SLC30A4: variants seen among roughly 807,000 people sequenced by gnomAD.
SLC30A4 encodes the protein solute carrier family 30 member 4, also known as probable proton-coupled zinc antiporter SLC30A4.
SLC30A4 carries 20 observed loss-of-function variants against 41.7 expected under a neutral mutation model. The observed-to-expected ratio is 0.48, with a 90% CI of 0.34 to 0.70. The LOEUF is 0.70. Ranked by LOEUF, SLC30A4 falls within the 30% of genes least tolerant of loss-of-function variation. The probability of loss-of-function intolerance (pLI) is 0.01; values close to 1 mark genes in which losing one functional copy is unlikely to be tolerated. For synonymous variants in SLC30A4, 181 were observed against 195.9 expected (o/e 0.92, Z 0.64); for missense variants, 441 against 529.3 (o/e 0.83, Z 1.64).
At chr15:45,521,095 T>C in intron 2 of SLC30A4, 1 of 422,928 alleles carries the variant, frequency 2.4e-6, no homozygotes, top group Non-Finnish European at 4.8e-6. Flanking sequence ...GACTGCCACC[T>C]GTTTTTGTCA....
intron 4 of SLC30A4, among the ~76,000 whole-genome samples, chr15:45,490,328 A>C (rs1456439022): frequency 6.6e-6 from 1 of 152,172 alleles, no homozygotes; most frequent in Non-Finnish European, 1.5e-5. Flanking sequence ...AGCGCAAGTG[A>C]TCTTCCCACC....
At chr15:45,522,568 G>C (rs921981495) in intron 1 of SLC30A4, 39 bp downstream of exon 1, 73 of 490,170 alleles carry the variant, frequency 1.5e-4, no homozygotes, top group African/African-American at 1.2e-3. Context: ...CCGACGCTCC[G>C]CCGGGGCTCC....
intron 2 of SLC30A4, 157 bp downstream of exon 2, chr15:45,521,807 C>A: frequency 1.5e-6 from 1 of 675,236 alleles, no homozygotes; most frequent in Non-Finnish European, 2.5e-6. Context: ...GATTGAGCTG[C>A]ACTTTGGAAC....
chr15:45,521,614 T>C (rs1391794206), intron 2 of SLC30A4, among the ~76,000 whole-genome samples: 1 of 152,226 alleles, frequency 6.6e-6, no homozygotes, highest in Non-Finnish European at 1.5e-5. Context: ...CTTAAGTTAT[T>C]TACGATCATT....
chr15:45,498,076 CAGTT>C (rs2140826594), intron 3 of SLC30A4, among the ~76,000 whole-genome samples: 1 of 152,296 alleles, frequency 6.6e-6, no homozygotes, highest in Admixed American at 6.5e-5. Flanking sequence ...TAACAAAACT[CAGTT>C]ACAGTTTCAC....
At chr15:45,511,305 A>G (rs201674387) in intron 2 of SLC30A4, 21 bp from the exon 3 acceptor site, 17 of 1,500,322 alleles carry the variant, frequency 1.1e-5, no homozygotes, top group Non-Finnish European at 1.4e-5. Flanking sequence ...CAAGTAGGAG[A>G]AAAAAGGAAC....
chr15:45,517,719 C>A (rs895745058), intron 2 of SLC30A4, among the ~76,000 whole-genome samples: 1 of 151,928 alleles, frequency 6.6e-6, no homozygotes, highest in Non-Finnish European at 1.5e-5. Flanking sequence ...GAGGCCGAGG[C>A]GGACAGATCA....
intron 4 of SLC30A4, among the ~76,000 whole-genome samples, chr15:45,489,448 A>G (rs1056414336): frequency 5.9e-5 from 9 of 151,952 alleles, no homozygotes; most frequent in African/African-American, 1.9e-4. Flanking sequence ...GCGGAAGAAT[A>G]GCAGAGCAAA....
At chr15:45,519,008 T>G (rs1398424273) in intron 2 of SLC30A4, among the ~76,000 whole-genome samples, 1 of 152,112 alleles carries the variant, frequency 6.6e-6, no homozygotes, top group Admixed American at 6.6e-5. Context: ...CTCAGCTCAC[T>G]GCAACCTCTG....
rs772613309 is a variant in SLC30A4 at position 45,490,797 on chromosome 15, T to A, written c.623A>T (p.His208Leu). 2 of 1,611,608 alleles carry A rather than the reference T, an allele frequency of 1.2e-6. No individual in the cohort carries two copies. The highest frequency in any genetic ancestry group is 1.7e-6 in the Non-Finnish European group (2 of 1,178,218). Residue 208 changes from histidine to leucine, a missense_variant, in exon 4 of 8, where the codon CAT becomes CTT. Physicochemically the swap from His to Leu is moderately conservative, Grantham distance 99. Around this residue, in one of 3 missense-constraint regions of SLC30A4, gnomAD observed 312 missense variants for 341.9 expected, o/e 0.91. Coordinates refer to ENST00000261867, the MANE Select transcript of SLC30A4 (RefSeq NM_013309.6). ...LLYEAVQRTI[H>L]MNYEINGDIM... ...ATCTCCATTTATTTCATAGTTCATA[T>A]GGATAGTTCTTTGCACAGCTTCATA...
intron 2 of SLC30A4, among the ~76,000 whole-genome samples, chr15:45,521,406 C>T (rs533371267): frequency 3.3e-5 from 5 of 152,060 alleles, no homozygotes; most frequent in African/African-American, 9.6e-5. Flanking sequence ...AAAAGGAAAT[C>T]GTATAAAAGA....
intron 3 of SLC30A4, among the ~76,000 whole-genome samples, chr15:45,500,046 A>T (rs190439167): frequency 1.3e-5 from 2 of 152,342 alleles, no homozygotes; most frequent in East Asian, 3.9e-4. Flanking sequence ...TTATGAGTTT[A>T]AAGAGCATGT....
chr15:45,482,913 C>CAA lies in SLC30A4; in HGVS notation c.*2248_*2249dup, dbSNP rs1326554106. 6.6e-6 allele frequency: 1 copy of CAA among 152,134 alleles called. No homozygotes were observed. 9.4% of individuals were successfully genotyped at this position (152,134 alleles called of 1,614,324 possible). On this transcript the variant is annotated 3_prime_UTR_variant, in exon 8 of 8. Transcript: ENST00000261867. Reference sequence around the variant, plus strand: ...CTAAAGCACTTCTGCCACAGCCTTACAAGTAGCTGATACTACAGGTGTGCA... The same window carrying CAA: ...CTAAAGCACTTCTGCCACAGCCTTACAAAAGTAGCTGATACTACAGGTGTGCA...
chr15:45,488,808 A>T (rs765870615), intron 5 of SLC30A4, 33 bp downstream of exon 5: 8 of 1,567,774 alleles, frequency 5.1e-6, no homozygotes, highest in African/African-American at 4.1e-5. Context: ...AATTAAGTAC[A>T]TTTTAAAATA....
chr15:45,491,658 A>C (rs1187496246), intron 3 of SLC30A4, among the ~76,000 whole-genome samples: 1 of 152,176 alleles, frequency 6.6e-6, no homozygotes, highest in East Asian at 1.9e-4. Flanking sequence ...GTGAACACCT[A>C]ATTATCAAGC....
intron 2 of SLC30A4, among the ~76,000 whole-genome samples, chr15:45,516,713 A>G (rs1179952451): frequency 1.3e-5 from 2 of 152,114 alleles, no homozygotes; most frequent in African/African-American, 4.8e-5. Flanking sequence ...TACTAAAAAT[A>G]CTAAAAAGTA....
chr15:45,522,555 AC>A, intron 1 of SLC30A4, 51 bp downstream of exon 1: 4 of 492,016 alleles, frequency 8.1e-6, no homozygotes, highest in Non-Finnish European at 1.4e-5. Flanking sequence ...CGCAGGGCCG[AC>A]CCCGACGCTC....
At chr15:45,494,748 T>G (rs1482145566) in intron 3 of SLC30A4, among the ~76,000 whole-genome samples, 1 of 152,102 alleles carries the variant, frequency 6.6e-6, no homozygotes, top group African/African-American at 2.4e-5. Flanking sequence ...TTCGAAACTG[T>G]AGAATCTCAT....
intron 3 of SLC30A4, among the ~76,000 whole-genome samples, chr15:45,501,169 G>T (rs1039841497): frequency 1.3e-5 from 2 of 151,726 alleles, no homozygotes; most frequent in Non-Finnish European, 2.9e-5. Context: ...TTAGCTGGGC[G>T]TGGTGGCAGG....
Sources: gnomAD v4.1 joint callset for allele counts (sites outside exome capture counted in the v4.1 genomes callset) on GRCh38, gnomAD v4.1.1 for gene constraint, gnomAD v4.1.1 regional missense constraint, MANE v1.5 for transcripts, NCBI Gene and HGNC (gene_info 2026-07-23, HGNC 2026-07-21) for gene names.